The following CUEDC1 variants were observed in gnomAD, a reference collection of about 807,000 sequenced individuals.
CUEDC1 encodes CUE domain-containing protein 1.
A neutral mutation model predicts 43.7 loss-of-function variants in CUEDC1; 30 were observed. The ratio of observed to expected loss-of-function variants is 0.69; its 90% CI spans 0.51 to 0.93. CUEDC1 has a LOEUF of 0.93. CUEDC1 is among the 40% of genes least tolerant of loss of function. The pLI, the probability that CUEDC1 is intolerant of heterozygous loss-of-function variation, is 0.00. For synonymous variants in CUEDC1, 223 were observed against 223.6 expected, an observed-to-expected ratio of 1.00 and a Z score of 0.02; for missense variants, 486 against 549.0, an observed-to-expected ratio of 0.89 and a Z score of 1.15.
intron 3 of CUEDC1, among the ~76,000 whole-genome samples, chr17:57,877,286 C>T (rs1275887187): frequency 6.6e-6 from 1 of 152,214 alleles, no homozygotes; most frequent in Non-Finnish European, 1.5e-5. Context: ...GCTGAACACC[C>T]AGCCAGAGTA....
intron 1 of CUEDC1, among the ~76,000 whole-genome samples, chr17:57,948,790 C>A (rs1023754714): frequency 6.6e-6 from 1 of 152,204 alleles, no homozygotes; most frequent in Non-Finnish European, 1.5e-5. Context: ...TTACTTGAAT[C>A]CTCCCTCTGT....
intron 10 of CUEDC1, among the ~76,000 whole-genome samples, chr17:57,864,326 G>A (rs1050249317): frequency 1.3e-5 from 2 of 152,198 alleles, no homozygotes; most frequent in Non-Finnish European, 2.9e-5. Context: ...AGCCAGATGC[G>A]CAGAAGTGTT....
chr17:57,945,847 C>T (rs901227024), intron 1 of CUEDC1, among the ~76,000 whole-genome samples: 1 of 152,050 alleles, frequency 6.6e-6, no homozygotes, highest in Non-Finnish European at 1.5e-5. Flanking sequence ...TGGTGAAACA[C>T]TGTCTCTACT....
rs1598016723 is a variant in CUEDC1, at chr17:57,930,185, C to T, written c.-316+25040G>A. Among the ~76,000 whole-genome samples the T allele has an allele frequency of 6.6e-6, 1 of 152,158 alleles. No homozygotes were observed. Among genetic ancestry groups the T allele is most frequent in the South Asian group, 2.1e-4 (1 of 4,830 alleles). On this transcript the variant is annotated intron_variant, in intron 1 of 10. Transcript: ENST00000577830. The surrounding 1 kb of genome is among the most constrained non-coding windows in gnomAD (Gnocchi z 4.2). ...GATTCAGGAAGTTCAAGGTGGGGCC[C>T]GTGATTCTCCATTTCTAACCAGGTG...
intron 1 of CUEDC1, among the ~76,000 whole-genome samples, chr17:57,886,277 A>G (rs1252159460): frequency 6.6e-6 from 1 of 152,218 alleles, no homozygotes; most frequent in African/African-American, 2.4e-5. Flanking sequence ...ACCATTACAC[A>G]TACTGCCAAA....
At position 57,955,263 on chromosome 17, in the gene CUEDC1, GGGGCCGGGCCGC is replaced by G. The variant is rs1315082823; in HGVS notation, c.-366_-355del. On this transcript the variant is annotated 5_prime_UTR_variant, in exon 1 of 11. Coordinates refer to ENST00000577830, the MANE Select transcript of CUEDC1 (RefSeq NM_001271875.2). This position sits in a 1 kb window ranked among gnomAD's most constrained non-coding sequence, Gnocchi z 5.3. ...GCGCGTCCGCTCCGCGCGGGCCGCA[GGGGCCGGGCCGC>G]GGGCCGGGCGGGGGAGGGGCTGCAA... 6.8e-6 allele frequency: 1 copy of G among 146,442 alleles called. No individual in the cohort carries two copies. Among genetic ancestry groups the G allele is most frequent in the Admixed American group, 6.8e-5 (1 of 14,726 alleles). 9.1% of individuals were successfully genotyped at this position (146,442 alleles called of 1,614,324 possible). A position where few individuals can be genotyped will look rare whatever the true frequency, so the allele number is the denominator to read the frequency against.
At position 57,868,194 on chromosome 17, in the gene CUEDC1, G is replaced by A. The variant is rs368299967; in HGVS notation, c.990C>T (p.Thr330=). 6 of 1,614,064 alleles carry A rather than the reference G, an allele frequency of 3.7e-6. No individual in the cohort carries two copies. In the African/African-American group the frequency reaches 8.0e-5, roughly 22 times the overall value. Residue 330 remains threonine, a synonymous_variant, in exon 8 of 11, where the codon ACC becomes ACT. Transcript: ENST00000577830. The part of the protein sequence containing the change: ...FELARAFSEK[T]KMRKSKRKHL... ...GTTTCCTCTTTGACTTCCTCATTTT[G>A]GTCTTCTCTGAGAAGGCTCGGGCAA...
At chr17:57,953,089 C>T (rs2075023502) in intron 1 of CUEDC1, among the ~76,000 whole-genome samples, 1 of 152,154 alleles carries the variant, frequency 6.6e-6, no homozygotes. Context: ...AATTCTGCCC[C>T]AAGACCTCCT....
At chr17:57,943,526 C>G (rs1054553486) in intron 1 of CUEDC1, among the ~76,000 whole-genome samples, 1 of 152,222 alleles carries the variant, frequency 6.6e-6, no homozygotes, top group Non-Finnish European at 1.5e-5. Flanking sequence ...GAACCCCACC[C>G]TTCACCTTTC....
At position 57,883,905 on chromosome 17, in the gene CUEDC1, T is replaced by C. The variant is rs988544752; in HGVS notation, c.336+1324A>G. Among the ~76,000 whole-genome samples, 6 of 152,190 alleles carry C rather than the reference T, an allele frequency of 3.9e-5. No individual in the cohort carries two copies. In the East Asian group the frequency reaches 1.2e-3, roughly 29 times the overall value. On this transcript the variant is annotated intron_variant, in intron 2 of 10. Transcript: ENST00000577830. Reference sequence around the variant, plus strand: ...ACACCCCTCTGATTAACAGGCTCTGTGTGCCTCATCCTTCTGCACCAAGCA... The same window carrying C: ...ACACCCCTCTGATTAACAGGCTCTGCGTGCCTCATCCTTCTGCACCAAGCA...
Position 57,885,323 on chromosome 17 carries a change from A to G in CUEDC1, c.242T>C (p.Ile81Thr). ...RANSGAVDAT[I>T]DQLLQMNLEG... ...CAGGTTCATCTGCAGCAGCTGGTCG[A>G]TGGTGGCGTCCACAGCGCCGCTGTT... The change falls in exon 2 of 11, where the codon ATC (isoleucine) becomes ACC (threonine). Residue 81 changes from isoleucine to threonine, a missense_variant. By Grantham distance (89) the Ile-to-Thr change is moderately conservative. Transcript: ENST00000577830. 1 of 1,611,428 alleles carries G rather than the reference A, an allele frequency of 6.2e-7. No individual in the cohort carries two copies. The highest frequency in any genetic ancestry group is 8.5e-7 in the Non-Finnish European group (1 of 1,179,446).
chr17:57,935,388 C>CACACACACACAAAA (rs2074850453), intron 1 of CUEDC1, among the ~76,000 whole-genome samples: 1 of 143,316 alleles, frequency 7.0e-6, no homozygotes, highest in African/African-American at 2.7e-5. Flanking sequence ...GACACACACA[C>CACACACACACAAAA]ACACACACAC....
intron 1 of CUEDC1, among the ~76,000 whole-genome samples, chr17:57,940,758 G>A (rs938538018): frequency 1.3e-5 from 2 of 152,312 alleles, no homozygotes; most frequent in South Asian, 2.1e-4. Context: ...AGTGCCAGGT[G>A]CTGTCATGGG....
intron 1 of CUEDC1, among the ~76,000 whole-genome samples, chr17:57,952,774 A>C (rs1028498588): frequency 6.6e-6 from 1 of 152,156 alleles, no homozygotes; most frequent in Non-Finnish European, 1.5e-5. Flanking sequence ...TAGTTAAACA[A>C]AGAAAAATCC....
chr17:57,875,971 TC>T lies in CUEDC1; in HGVS notation c.465-2255del, dbSNP rs1422070200. On this transcript the variant is annotated intron_variant, in intron 3 of 10. Coordinates refer to ENST00000577830, the MANE Select transcript of CUEDC1 (RefSeq NM_001271875.2). ...AGGGATTGTGACATTTGAAGCATGC[TC>T]CCCGGGGTGGCCCTGCCTCTCTGTG... Among the ~76,000 whole-genome samples the T allele has an allele frequency of 9.2e-5, 14 of 151,992 alleles. 1 individual carries two copies. Among genetic ancestry groups the T allele is most frequent in the Admixed American group, 8.5e-4 (13 of 15,294 alleles).
chr17:57,931,938 C>T (rs890259809), intron 1 of CUEDC1, among the ~76,000 whole-genome samples: 2 of 152,188 alleles, frequency 1.3e-5, no homozygotes, highest in African/African-American at 4.8e-5. Context: ...CTGCTCCTCT[C>T]ACCCACATGT....
chr17:57,936,219 C>T (rs2032913960), intron 1 of CUEDC1, among the ~76,000 whole-genome samples: 1 of 152,158 alleles, frequency 6.6e-6, no homozygotes, highest in African/African-American at 2.4e-5. Context: ...CATGGCAGGA[C>T]AGTGTGGACT....
Position 57,870,918 on chromosome 17 carries a change from A to C in CUEDC1, c.868+368T>G, listed in dbSNP as rs115183379. ...GGCTGGTCTTGAACTCTTGGGCTGA[A>C]GCAATCCACTCTCCTCGGCCTCTCA... On this transcript the variant is annotated intron_variant, in intron 6 of 10. Transcript: ENST00000577830. Among the ~76,000 whole-genome samples the C allele has an allele frequency of 5.2e-3, 786 of 152,320 alleles. 10 individuals are homozygous for C. The highest frequency in any genetic ancestry group is 0.018 in the African/African-American group (765 of 41,584).
rs951027179 is a variant in CUEDC1, at chr17:57,862,000, G to T, written c.*1289C>A. ...GTCCGGGCAGGGTGGGCGGGACGAG[G>T]TGCGATCGCCGGCTCGCCTTCGCTA... On this transcript the variant is annotated 3_prime_UTR_variant, in exon 11 of 11. Transcript: ENST00000577830. 6.6e-6 allele frequency: 1 copy of T among 152,236 alleles called. No individual in the cohort carries two copies. Among genetic ancestry groups the T allele is most frequent in the Admixed American group, 6.5e-5 (1 of 15,288 alleles). The allele number at this position is 152,236 out of a possible 1,614,324, so 9.4% of individuals were successfully genotyped here. A position where few individuals can be genotyped will look rare whatever the true frequency, so the allele number is the denominator to read the frequency against.
Sources: allele counts gnomAD v4.1 joint callset (sites outside exome capture counted in the v4.1 genomes callset), GRCh38; gene constraint gnomAD v4.1.1; non-coding constraint Gnocchi (gnomAD v3.1); transcripts MANE v1.5; gene names NCBI Gene and HGNC (gene_info 2026-07-23, HGNC 2026-07-21).